PDE4B: variants seen among roughly 807,000 people sequenced by gnomAD.
PDE4B encodes phosphodiesterase 4B, also known as 3',5'-cyclic-AMP phosphodiesterase 4B.
Under a neutral mutation model 82.2 loss-of-function variants are expected in PDE4B, and 20 were observed. The ratio of observed to expected loss-of-function variants is 0.24; its 90% CI spans 0.17 to 0.35. PDE4B has a LOEUF of 0.35. PDE4B is among the 10% of genes least tolerant of loss of function. PDE4B has a pLI of 1.00. For synonymous variants in PDE4B, 320 were observed against 318.9 expected, an observed-to-expected ratio of 1.00 and a Z score of -0.04; for missense variants, 655 against 907.2, an observed-to-expected ratio of 0.72 and a Z score of 3.57.
Position 66,136,176 on chromosome 1 carries a change from T to A in PDE4B, c.282-111284T>A, listed in dbSNP as rs193061854. 3.3e-5 allele frequency among the ~76,000 whole-genome samples: 5 copies of A among 152,312 alleles called. No homozygotes were observed. The East Asian group carries it at 9.6e-4, about 29-fold the overall frequency. On this transcript the variant is annotated intron_variant, in intron 3 of 16. Transcript: ENST00000341517. ...GTTCCACTTTTTAATGGTCCACTAGTACCACCCTAATCTAAGATATCCTTT... is the reference window on the plus strand; with the variant it reads ...GTTCCACTTTTTAATGGTCCACTAGAACCACCCTAATCTAAGATATCCTTT...
intron 7 of PDE4B, among the ~76,000 whole-genome samples, chr1:66,310,836 C>A (rs1658618500): frequency 6.6e-6 from 1 of 152,140 alleles, no homozygotes; most frequent in Non-Finnish European, 1.5e-5. Flanking sequence ...AACCTGTTTT[C>A]TTATCTGTAA....
chr1:65,891,902 G>T (rs1413139943), intron 1 of PDE4B, among the ~76,000 whole-genome samples: 1 of 152,006 alleles, frequency 6.6e-6, no homozygotes, highest in African/African-American at 2.4e-5. Context: ...GTCATTAATA[G>T]AATTGGATAC....
intron 3 of PDE4B, among the ~76,000 whole-genome samples, chr1:66,181,627 A>G (rs1024037487): frequency 1.3e-5 from 2 of 152,180 alleles, no homozygotes; most frequent in African/African-American, 4.8e-5. Flanking sequence ...GTGTGGCTAC[A>G]TAATCTTGAG....
intron 3 of PDE4B, among the ~76,000 whole-genome samples, chr1:66,156,838 C>T (rs142522825): frequency 6.6e-6 from 1 of 152,302 alleles, no homozygotes; most frequent in East Asian, 1.9e-4. Context: ...GTATATTTCA[C>T]TGGTTTCCCA....
At chr1:66,290,118 A>G (rs1186596920) in intron 7 of PDE4B, among the ~76,000 whole-genome samples, 4 of 152,188 alleles carry the variant, frequency 2.6e-5, no homozygotes, top group Non-Finnish European at 5.9e-5. Flanking sequence ...GATCTGATGT[A>G]GCCAAGAAGA....
In PDE4B at chr1:65,849,140, G is replaced by T. The variant is rs539369285; in HGVS notation, c.-71+55892G>T. On this transcript the variant is annotated intron_variant, in intron 1 of 16. Coordinates refer to ENST00000341517, the MANE Select transcript of PDE4B (RefSeq NM_002600.4). ...GCATGCTCATGGCTCAATAGATAGTGGGGTATTTCTGTAAAATGTCTCACT... is the reference window on the plus strand; with the variant it reads ...GCATGCTCATGGCTCAATAGATAGTTGGGTATTTCTGTAAAATGTCTCACT... Among the ~76,000 whole-genome samples the T allele has an allele frequency of 2.0e-5, 3 of 152,260 alleles. No homozygotes were observed. In the East Asian group the frequency reaches 5.8e-4, roughly 29 times the overall value.
At chr1:65,834,669 G>A (rs1646121227) in intron 1 of PDE4B, among the ~76,000 whole-genome samples, 1 of 152,130 alleles carries the variant, frequency 6.6e-6, no homozygotes, top group Admixed American at 6.5e-5. Flanking sequence ...TTGTAAATAT[G>A]GGAACTGACA....
At chr1:66,152,578 G>T in intron 3 of PDE4B, 1 of 246,786 alleles carries the variant, frequency 4.1e-6, no homozygotes, top group Non-Finnish European at 9.0e-6. Context: ...GATTAAGTGT[G>T]TGCATATATA....
intron 7 of PDE4B, among the ~76,000 whole-genome samples, chr1:66,317,888 T>TA (rs1659136490): frequency 6.6e-6 from 1 of 152,036 alleles, no homozygotes; most frequent in Admixed American, 6.6e-5. Flanking sequence ...CAGAGTGAGA[T>TA]CCAGTCTCTA....
chr1:65,965,391 G>A (rs1169537524), intron 3 of PDE4B, among the ~76,000 whole-genome samples: 1 of 152,056 alleles, frequency 6.6e-6, no homozygotes, highest in Non-Finnish European at 1.5e-5. Context: ...TGTTGTCAAA[G>A]TACCCAGTAC....
intron 1 of PDE4B, among the ~76,000 whole-genome samples, chr1:65,800,952 T>C (rs955448023): frequency 1.3e-5 from 2 of 152,206 alleles, no homozygotes; most frequent in African/African-American, 4.8e-5. Context: ...TGAATATCAA[T>C]TCATCCCCTT....
intron 1 of PDE4B, among the ~76,000 whole-genome samples, chr1:65,802,149 A>G (rs956209002): frequency 2.6e-5 from 4 of 152,226 alleles, no homozygotes; most frequent in Non-Finnish European, 5.9e-5. Context: ...TTGACATACA[A>G]TGCTACAACC....
At chr1:66,004,074 C>T (rs757674499) in intron 3 of PDE4B, among the ~76,000 whole-genome samples, 55 of 152,218 alleles carry the variant, frequency 3.6e-4, no homozygotes, top group Middle Eastern at 3.4e-3. Flanking sequence ...TTCAACCTAT[C>T]TTAGAAAAAG....
At chr1:65,857,605 T>G (rs1158268152) in intron 1 of PDE4B, among the ~76,000 whole-genome samples, 1 of 152,170 alleles carries the variant, frequency 6.6e-6, no homozygotes, top group Non-Finnish European at 1.5e-5. Context: ...GTGGCTCTCT[T>G]GAGCCCAGGA....
chr1:65,827,111 C>T (rs1415555839), intron 1 of PDE4B, among the ~76,000 whole-genome samples: 1 of 152,132 alleles, frequency 6.6e-6, no homozygotes, highest in Non-Finnish European at 1.5e-5. Flanking sequence ...CAGCCCAACA[C>T]CTGATTAGAT....
At chr1:66,356,783 C>T (rs1333345977) in intron 9 of PDE4B, among the ~76,000 whole-genome samples, 1 of 152,208 alleles carries the variant, frequency 6.6e-6, no homozygotes, top group Non-Finnish European at 1.5e-5. Flanking sequence ...GGTCACCAGA[C>T]GTGATTAACA....
intron 3 of PDE4B, among the ~76,000 whole-genome samples, chr1:66,125,034 G>A (rs1034558938): frequency 2.6e-5 from 4 of 151,756 alleles, no homozygotes; most frequent in Non-Finnish European, 5.9e-5. Context: ...TGTGCTTGAA[G>A]TGGCATAATT....
intron 7 of PDE4B, among the ~76,000 whole-genome samples, chr1:66,320,062 C>A (rs1659292307): frequency 6.6e-6 from 1 of 152,130 alleles, no homozygotes; most frequent in Admixed American, 6.6e-5. Flanking sequence ...AATGGTGTGA[C>A]CTATTTCTAA....
At position 65,987,787 on chromosome 1, in the gene PDE4B, A is replaced by AT. The variant is rs201823300; in HGVS notation, c.281+68958dup. ...GCTGCCACGCCCAGCTAATTTTTGT[A>AT]TTTTTTAGTAGAGGCGGGGTTTCAC... On this transcript the variant is annotated intron_variant, in intron 3 of 16. Transcript: ENST00000341517. Among the ~76,000 whole-genome samples the AT allele has an allele frequency of 7.3e-3, 1,115 of 151,952 alleles. 25 individuals are homozygous for AT. Among genetic ancestry groups the AT allele is most frequent in the Non-Finnish European group, 6.9e-3 (467 of 67,906 alleles).
Sources: allele counts gnomAD v4.1 joint callset (sites outside exome capture counted in the v4.1 genomes callset), GRCh38; gene constraint gnomAD v4.1.1; transcripts MANE v1.5; gene names NCBI Gene and HGNC (gene_info 2026-07-23, HGNC 2026-07-21).